Variants in GRIK3 observed in about 807,000 individuals in gnomAD.
GRIK3 encodes glutamate ionotropic receptor kainate type subunit 3.
Under a neutral mutation model 102.5 loss-of-function variants are expected in GRIK3, and 29 were observed. The observed-to-expected ratio is 0.28, with a 90% CI of 0.21 to 0.39. The LOEUF is 0.39. Among genes scored for constraint, GRIK3 ranks in the 10% least tolerant of loss-of-function variants. The pLI, the probability that GRIK3 is intolerant of heterozygous loss-of-function variation, is 1.00. For missense variants in GRIK3, 908 were observed against 1,252.4 expected, an observed-to-expected ratio of 0.73 and a Z score of 4.15; for synonymous variants, 511 against 504.9, an observed-to-expected ratio of 1.01 and a Z score of -0.16.
At chr1:36,807,208 C>A (rs1642511227) in intron 13 of GRIK3, among the ~76,000 whole-genome samples, 1 of 152,062 alleles carries the variant, frequency 6.6e-6, no homozygotes, top group African/African-American at 2.4e-5. Context: ...GGATGCAATG[C>A]CTATGCTGGG....
Position 36,859,966 on chromosome 1 carries a change from T to C in GRIK3, c.838A>G (p.Thr280Ala). The C allele has an allele frequency of 6.2e-7, 1 of 1,613,044 alleles. No homozygotes were observed. The highest frequency in any genetic ancestry group is 2.2e-5 in the East Asian group (1 of 44,866). Residue 280 changes from threonine (T) to alanine (A), a missense_variant, in exon 6 of 16, where the codon ACA (threonine) becomes GCA (alanine). Physicochemically the swap from Thr to Ala is moderately conservative, Grantham distance 58 (BLOSUM62 0). This residue lies in a region of GRIK3 where 585 missense variants were observed against 824.9 expected (regional missense o/e 0.71). Transcript: ENST00000373091. ...TCCACATTGAGAATCCGGAATCCTG[T>C]CAGGTTCACGCCTGAGTAGCGGTAG... ...EPYRYSGVNL[T>A]GFRILNVDNP...
chr1:36,806,605 A>G lies in GRIK3; in HGVS notation c.2092-279T>C, dbSNP rs1287424701. Among the ~76,000 whole-genome samples, 2 of 152,162 alleles carry G rather than the reference A, an allele frequency of 1.3e-5. No homozygotes were observed. The highest frequency in any genetic ancestry group is 2.4e-5 in the African/African-American group (1 of 41,432). On this transcript the variant is annotated intron_variant, in intron 13 of 15. Coordinates refer to ENST00000373091, the MANE Select transcript of GRIK3 (RefSeq NM_000831.4). The surrounding 1 kb of genome is among the most constrained non-coding windows in gnomAD (Gnocchi z 4.0). ...TGGTCTTCAAGCTGACTTTTTAAAC[A>G]TGGATTTTCTTTCTCTAAAATTTAT...
At chr1:36,897,201 T>C (rs899340410) in intron 1 of GRIK3, among the ~76,000 whole-genome samples, 1 of 152,106 alleles carries the variant, frequency 6.6e-6, no homozygotes, top group African/African-American at 2.4e-5. Context: ...AAGGAAGAAG[T>C]AAAAGTGTCT....
At chr1:36,865,633 T>C (rs909799700) in intron 5 of GRIK3, among the ~76,000 whole-genome samples, 2 of 152,230 alleles carry the variant, frequency 1.3e-5, no homozygotes, top group Non-Finnish European at 2.9e-5. Flanking sequence ...CTGTGTGTAT[T>C]GCAAGGGCTA....
At chr1:36,881,323 G>T (rs1343880191) in intron 2 of GRIK3, among the ~76,000 whole-genome samples, 1 of 152,012 alleles carries the variant, frequency 6.6e-6, no homozygotes, top group Admixed American at 6.5e-5. Context: ...TCCCTACCCC[G>T]GACCTGTGCA....
At position 36,880,851 on chromosome 1, in the gene GRIK3, G is replaced by A; in HGVS notation, c.333C>T (p.Gly111=). 6.2e-7 allele frequency: 1 copy of A among 1,613,248 alleles called. No homozygotes were observed. Residue 111 remains glycine (G), a synonymous_variant, in exon 3 of 16, where the codon GGC becomes GGT. Transcript: ENST00000373091. This position sits in a 1 kb window ranked among gnomAD's most constrained non-coding sequence, Gnocchi z 5.4. The part of the protein sequence containing the change: ...QLALGVVAIF[G]PSQGSCTNAV... ...CATTGGTGCAGGAGCCCTGTGATGGGCCGAAGATCGCCACCACGCCCAGTG... is the reference window on the plus strand; with the variant it reads ...CATTGGTGCAGGAGCCCTGTGATGGACCGAAGATCGCCACCACGCCCAGTG...
At chr1:36,983,373 C>T (rs1046927508) in intron 1 of GRIK3, among the ~76,000 whole-genome samples, 7 of 152,216 alleles carry the variant, frequency 4.6e-5, no homozygotes, top group South Asian at 2.1e-4. Flanking sequence ...CAGGTACACA[C>T]GGCACAACGG....
chr1:36,891,618 T>G (rs1447775351), intron 1 of GRIK3, among the ~76,000 whole-genome samples: 2 of 152,202 alleles, frequency 1.3e-5, no homozygotes, highest in East Asian at 3.8e-4. Flanking sequence ...CCTTGAAACT[T>G]TTTTAGCTTA....
At chr1:37,027,240 C>T (rs533428763) in intron 1 of GRIK3, among the ~76,000 whole-genome samples, 17 of 152,186 alleles carry the variant, frequency 1.1e-4, no homozygotes, top group African/African-American at 2.6e-4. Flanking sequence ...GAAGGGCAGA[C>T]GGCTCTAGGG....
rs1356894182 is a variant in GRIK3 at position 36,891,649 on chromosome 1, C to T, written c.116-553G>A. Among the ~76,000 whole-genome samples, 5 of 152,226 alleles carry T rather than the reference C, an allele frequency of 3.3e-5. No homozygotes were observed. The East Asian group carries it at 9.7e-4, about 29-fold the overall frequency. ...GCTTAAATCAGCCTTTAATATCATA[C>T]TAATGGTGAAAAACTAGAGGCATTC... On this transcript the variant is annotated intron_variant, in intron 1 of 15. Transcript: ENST00000373091.
At chr1:36,824,177 A>G in intron 11 of GRIK3, among the ~76,000 whole-genome samples, 1 of 152,118 alleles carries the variant, frequency 6.6e-6, no homozygotes, top group Non-Finnish European at 1.5e-5. Flanking sequence ...GCAGGGTGGG[A>G]AGAAGGCTTG....
At chr1:36,804,626 C>A (rs1225585494) in intron 15 of GRIK3, 1 of 425,530 alleles carries the variant, frequency 2.4e-6, no homozygotes, top group Non-Finnish European at 4.1e-6. Context: ...TCAACAATTA[C>A]CCTGGAGGGT....
intron 10 of GRIK3, 78 bp from the exon 11 acceptor site, chr1:36,825,904 G>A: frequency 2.9e-6 from 3 of 1,028,270 alleles, no homozygotes; most frequent in Non-Finnish European, 4.3e-6. Context: ...CATTGCTGGA[G>A]GAGAGATGAG....
At chr1:37,024,231 G>A (rs1047065530) in intron 1 of GRIK3, among the ~76,000 whole-genome samples, 1 of 152,140 alleles carries the variant, frequency 6.6e-6, no homozygotes, top group Non-Finnish European at 1.5e-5. Flanking sequence ...GAGGAATTAA[G>A]CCTCTTTAGT....
chr1:36,927,491 G>A (rs1367609934), intron 1 of GRIK3, among the ~76,000 whole-genome samples: 1 of 152,112 alleles, frequency 6.6e-6, no homozygotes, highest in Non-Finnish European at 1.5e-5. Flanking sequence ...TCAAGGAACT[G>A]CCAGTGTCCT....
intron 9 of GRIK3, among the ~76,000 whole-genome samples, chr1:36,846,526 A>G (rs902399766): frequency 1.3e-5 from 2 of 152,150 alleles, no homozygotes; most frequent in Non-Finnish European, 2.9e-5. Context: ...GATGTTGTGT[A>G]CTGGTACCTT....
At chr1:36,938,228 A>G (rs984393183) in intron 1 of GRIK3, among the ~76,000 whole-genome samples, 1 of 152,210 alleles carries the variant, frequency 6.6e-6, no homozygotes, top group African/African-American at 2.4e-5. Context: ...TGATGGCACC[A>G]TACCCTGGGT....
At chr1:36,895,658 A>G (rs1641164107) in intron 1 of GRIK3, among the ~76,000 whole-genome samples, 1 of 152,168 alleles carries the variant, frequency 6.6e-6, no homozygotes, top group African/African-American at 2.4e-5. Flanking sequence ...AAAAATGCCT[A>G]ATGGAAATGC....
At chr1:36,998,871 G>A (rs1286032926) in intron 1 of GRIK3, among the ~76,000 whole-genome samples, 1 of 152,132 alleles carries the variant, frequency 6.6e-6, no homozygotes, top group Non-Finnish European at 1.5e-5. Flanking sequence ...AAGCCCAAGG[G>A]GCTTCTGAGG....
Sources: allele counts gnomAD v4.1 joint callset (sites outside exome capture counted in the v4.1 genomes callset), GRCh38; gene constraint gnomAD v4.1.1; regional missense constraint gnomAD v4.1.1; non-coding constraint Gnocchi (gnomAD v3.1); transcripts MANE v1.5; gene names NCBI Gene and HGNC (gene_info 2026-07-23, HGNC 2026-07-21).